CHD7: variants seen among roughly 807,000 people sequenced by gnomAD.
CHD7 encodes the protein chromodomain helicase DNA binding protein 7, also known as ATP-dependent chromatin remodeler CHD7.
Under a neutral mutation model 307.3 loss-of-function variants are expected in CHD7, and 24 were observed. That is an observed-to-expected ratio of 0.08 (90% CI 0.06 to 0.11). The LOEUF is 0.11. Among genes scored for constraint, CHD7 ranks in the 10% least tolerant of loss-of-function variants. The pLI, the probability that CHD7 is intolerant of heterozygous loss-of-function variation, is 1.00. For missense variants in CHD7, 3,106 were observed against 3,727.1 expected (o/e 0.83, Z 4.34); for synonymous variants, 1,363 against 1,349.9 (o/e 1.01, Z -0.21).
intron 1 of CHD7, among the ~76,000 whole-genome samples, chr8:60,717,387 T>C (rs920218525): frequency 3.3e-5 from 5 of 152,216 alleles, no homozygotes; most frequent in African/African-American, 1.2e-4. Context: ...ACATTTTTCA[T>C]TTCAGAGTAT....
intron 2 of CHD7, among the ~76,000 whole-genome samples, chr8:60,775,492 A>G (rs184689388): frequency 6.8e-4 from 104 of 152,322 alleles, no homozygotes; most frequent in African/African-American, 2.2e-3. Flanking sequence ...TTGATAATCA[A>G]TGTTTTGAGA....
At chr8:60,686,981 A>G (rs112590985) in intron 1 of CHD7, among the ~76,000 whole-genome samples, 6 of 152,300 alleles carry the variant, frequency 3.9e-5, no homozygotes, top group African/African-American at 1.2e-4. Flanking sequence ...GGGTCTCACA[A>G]TACTGTCCAG....
At chr8:60,775,991 C>T (rs889489738) in intron 2 of CHD7, among the ~76,000 whole-genome samples, 1 of 152,180 alleles carries the variant, frequency 6.6e-6, no homozygotes, top group African/African-American at 2.4e-5. Flanking sequence ...AACTCCTGAC[C>T]TCAGGTGATC....
In CHD7 at chr8:60,833,956, T is replaced by A. The variant is rs1314902612; in HGVS notation, c.3779-2117T>A. ...GGTGTTTGCTGATACTGTTTTTAAA[T>A]GAAATATTATTAGTACAAACTGGCT... On this transcript the variant is annotated intron_variant, in intron 15 of 37. Transcript: ENST00000423902. Among the ~76,000 whole-genome samples, 5 of 152,226 alleles carry A rather than the reference T, an allele frequency of 3.3e-5. No homozygotes were observed. The East Asian group carries it at 9.6e-4, about 29-fold the overall frequency.
At chr8:60,748,617 A>G (rs1438271821) in intron 2 of CHD7, among the ~76,000 whole-genome samples, 1 of 152,224 alleles carries the variant, frequency 6.6e-6, no homozygotes, top group Non-Finnish European at 1.5e-5. Flanking sequence ...TGAAGAGCTT[A>G]TCTAAAGAAA....
intron 1 of CHD7, among the ~76,000 whole-genome samples, chr8:60,684,583 T>C (rs943602307): frequency 6.6e-6 from 1 of 152,064 alleles, no homozygotes; most frequent in Admixed American, 6.5e-5. Flanking sequence ...AGCATTACCA[T>C]CTGAATGATG....
At chr8:60,700,973 C>T (rs1476597624) in intron 1 of CHD7, among the ~76,000 whole-genome samples, 1 of 152,174 alleles carries the variant, frequency 6.6e-6, no homozygotes. Flanking sequence ...AATTCTGTCT[C>T]AGGTTTTGAG....
At chr8:60,753,117 T>G (rs1809717868) in intron 2 of CHD7, among the ~76,000 whole-genome samples, 1 of 152,234 alleles carries the variant, frequency 6.6e-6, no homozygotes, top group African/African-American at 2.4e-5. Context: ...ATCCCTTGGA[T>G]TAAAGGAGAT....
Position 60,836,208 on chromosome 8 carries a change from G to A in CHD7, c.3914G>A (p.Gly1305Asp). ...AAGCTGCTGCCAAAACTGAAGGCTG[G>A]TGGCCACAGGGTGCTTATCTTTTCC... Reference protein sequence around the residue: ...IDKLLPKLKAGGHRVLIFSQM... With the variant: ...IDKLLPKLKADGHRVLIFSQM... Residue 1305 changes from glycine to aspartate, a missense_variant, in exon 16 of 38, where the codon GGT becomes GAT. By Grantham distance (94) the Gly-to-Asp change is moderately conservative. Transcript: ENST00000423902. 1.9e-6 allele frequency: 3 copies of A among 1,614,004 alleles called. No homozygotes were observed. The highest frequency in any genetic ancestry group is 2.5e-6 in the Non-Finnish European group (3 of 1,179,924).
chr8:60,866,142 A>G lies in CHD7; in HGVS notation c.*209A>G, dbSNP rs1456812627. The G allele has an allele frequency of 2.0e-5, 9 of 439,596 alleles. No homozygotes were observed. The East Asian group carries it at 2.8e-4, about 13-fold the overall frequency. 27.2% of individuals were successfully genotyped at this position (439,596 alleles called of 1,614,324 possible). On this transcript the variant is annotated 3_prime_UTR_variant, in exon 38 of 38. Coordinates refer to ENST00000423902, the MANE Select transcript of CHD7 (RefSeq NM_017780.4). ...CAGTGCATTATTTATTATCCCTAGG[A>G]GAGATGAAATTTGAGAGGTGATCAT...
chr8:60,856,975 C>A, intron 34 of CHD7, 87 bp downstream of exon 34: 2 of 1,237,064 alleles, frequency 1.6e-6, no homozygotes, highest in Non-Finnish European at 2.2e-6. Flanking sequence ...CTGTGTTTCT[C>A]TCAGCAGCAT....
chr8:60,771,504 G>C (rs1228232709), intron 2 of CHD7, among the ~76,000 whole-genome samples: 1 of 152,168 alleles, frequency 6.6e-6, no homozygotes, highest in African/African-American at 2.4e-5. Context: ...CAGATTTTTA[G>C]ATTAGGGATA....
At chr8:60,786,516 T>A (rs1217873880) in intron 3 of CHD7, among the ~76,000 whole-genome samples, 1 of 152,104 alleles carries the variant, frequency 6.6e-6, no homozygotes, top group Non-Finnish European at 1.5e-5. Context: ...CCACTTTGGT[T>A]TATATGGGAG....
chr8:60,851,631 T>G (rs1300820701), intron 28 of CHD7, among the ~76,000 whole-genome samples: 1 of 152,254 alleles, frequency 6.6e-6, no homozygotes, highest in African/African-American at 2.4e-5. Flanking sequence ...AGTATTCACC[T>G]AAAATATTTT....
chr8:60,774,786 G>C (rs1810873627), intron 2 of CHD7, among the ~76,000 whole-genome samples: 1 of 152,140 alleles, frequency 6.6e-6, no homozygotes, highest in Admixed American at 6.5e-5. Context: ...TTTAGAAAAG[G>C]GTTTAGCATT....
Position 60,741,417 on chromosome 8 carries a change from C to T in CHD7, c.-16C>T, listed in dbSNP as rs777432604. On this transcript the variant is annotated 5_prime_UTR_variant, in exon 2 of 38. Coordinates refer to ENST00000423902, the MANE Select transcript of CHD7 (RefSeq NM_017780.4). ...CTCCTGAGCTGTGGTTTGGAGGAGC[C>T]GTGTGTTGGAAGAAGATGGCAGATC... 8.9e-6 allele frequency: 14 copies of T among 1,577,652 alleles called. No homozygotes were observed. Among genetic ancestry groups the T allele is most frequent in the Admixed American group, 1.8e-5 (1 of 55,482 alleles).
intron 3 of CHD7, among the ~76,000 whole-genome samples, chr8:60,793,268 ATAT>A (rs1811859853): frequency 6.6e-6 from 1 of 152,092 alleles, no homozygotes; most frequent in South Asian, 2.1e-4. Flanking sequence ...AATTTTAAAA[ATAT>A]TATGCTTTCT....
At chr8:60,824,992 A>G (rs1415912315) in intron 13 of CHD7, 4 of 152,146 alleles carry the variant, frequency 2.6e-5, no homozygotes, top group Non-Finnish European at 4.4e-5. Flanking sequence ...TTTAATGTAC[A>G]TTTGGAAAGC....
At chr8:60,699,084 T>G (rs1333048678) in intron 1 of CHD7, among the ~76,000 whole-genome samples, 2 of 152,220 alleles carry the variant, frequency 1.3e-5, no homozygotes, top group Non-Finnish European at 2.9e-5. Context: ...CATAACACAT[T>G]TCTTGGTGTT....
Sources: gnomAD v4.1 joint callset for allele counts (sites outside exome capture counted in the v4.1 genomes callset) on GRCh38, gnomAD v4.1.1 for gene constraint, MANE v1.5 for transcripts, NCBI Gene and HGNC (gene_info 2026-07-23, HGNC 2026-07-21) for gene names.